Variants in KCNK2 observed in about 807,000 individuals in gnomAD.
The protein encoded by KCNK2 is potassium channel subfamily K member 2.
A neutral mutation model predicts 40.5 loss-of-function variants in KCNK2; 21 were observed. That is an observed-to-expected ratio of 0.52 (90% CI 0.37 to 0.75). The LOEUF (loss-of-function observed/expected upper bound fraction) is 0.75. Ranked by LOEUF, KCNK2 falls within the 30% of genes least tolerant of loss-of-function variation. The pLI is 0.00. For synonymous variants in KCNK2, 191 were observed against 202.2 expected (o/e 0.94, Z 0.47); for missense variants, 399 against 531.6 (o/e 0.75, Z 2.45).
intron 6 of KCNK2, among the ~76,000 whole-genome samples, chr1:215,206,081 G>A (rs893135265): frequency 6.6e-6 from 1 of 152,092 alleles, no homozygotes; most frequent in African/African-American, 2.4e-5. Flanking sequence ...AACCCTTCAT[G>A]GGCTGTAAAT....
chr1:215,223,593 G>A (rs1039157114), intron 6 of KCNK2, among the ~76,000 whole-genome samples: 2 of 152,118 alleles, frequency 1.3e-5, no homozygotes, highest in African/African-American at 2.4e-5. Flanking sequence ...AATGCATGGT[G>A]GAAGGGGCTT....
At chr1:215,048,293 T>C (rs988447345) in intron 1 of KCNK2, among the ~76,000 whole-genome samples, 11 of 152,172 alleles carry the variant, frequency 7.2e-5, no homozygotes, top group African/African-American at 2.7e-4. Context: ...ACCATAGAAT[T>C]GAAGAAGAAA....
chr1:215,190,981 T>C (rs545725569), intron 5 of KCNK2, among the ~76,000 whole-genome samples: 40 of 152,120 alleles, frequency 2.6e-4, no homozygotes, highest in African/African-American at 6.5e-4. Context: ...TTCTTTCTTT[T>C]TTTTTTTTTA....
chr1:215,123,854 T>G (rs529090735), intron 2 of KCNK2, among the ~76,000 whole-genome samples: 151 of 152,300 alleles, frequency 9.9e-4, no homozygotes, highest in African/African-American at 3.5e-3. Context: ...TCTTTTGTGC[T>G]TCTCCTTCTC....
intron 1 of KCNK2, among the ~76,000 whole-genome samples, chr1:215,050,598 A>G (rs1315416320): frequency 2.0e-5 from 3 of 152,220 alleles, no homozygotes; most frequent in African/African-American, 4.8e-5. Context: ...GATGTACCAG[A>G]TAGTGATTCA....
intron 3 of KCNK2, among the ~76,000 whole-genome samples, chr1:215,145,500 T>C (rs1302627695): frequency 1.3e-5 from 2 of 152,168 alleles, no homozygotes; most frequent in Admixed American, 1.3e-4. Context: ...AAAGATAGCA[T>C]GGATTTCTTG....
intron 1 of KCNK2, among the ~76,000 whole-genome samples, chr1:215,058,041 A>C (rs1658229766): frequency 6.6e-6 from 1 of 152,150 alleles, no homozygotes; most frequent in African/African-American, 2.4e-5. Flanking sequence ...CAGCCCCAGG[A>C]ATAGGGAGTG....
intron 1 of KCNK2, among the ~76,000 whole-genome samples, chr1:215,064,124 TAGAA>T (rs760441532): frequency 6.6e-6 from 1 of 152,108 alleles, no homozygotes; most frequent in African/African-American, 2.4e-5. Context: ...TTGATCGTAA[TAGAA>T]GGAAGCTATG....
At chr1:215,218,675 G>A (rs971510865) in intron 6 of KCNK2, among the ~76,000 whole-genome samples, 1 of 152,044 alleles carries the variant, frequency 6.6e-6, no homozygotes, top group African/African-American at 2.4e-5. Context: ...GGTCCACCAC[G>A]GTAGCATCCC....
chr1:215,133,713 T>C (rs776672560), intron 3 of KCNK2, among the ~76,000 whole-genome samples: 1 of 152,096 alleles, frequency 6.6e-6, no homozygotes, highest in African/African-American at 2.4e-5. Flanking sequence ...TATTGCATGA[T>C]GTTTACAAAA....
chr1:215,026,474 A>T (rs1042114175), intron 1 of KCNK2, among the ~76,000 whole-genome samples: 1 of 151,990 alleles, frequency 6.6e-6, no homozygotes, highest in Non-Finnish European at 1.5e-5. Context: ...TTTAGAATGA[A>T]TAGCGGCTTG....
At chr1:215,051,705 T>C (rs896089818) in intron 1 of KCNK2, among the ~76,000 whole-genome samples, 15 of 152,126 alleles carry the variant, frequency 9.9e-5, no homozygotes, top group African/African-American at 3.6e-4. Flanking sequence ...AATGGGAATG[T>C]AGCATGTTTG....
intron 1 of KCNK2, among the ~76,000 whole-genome samples, chr1:215,014,212 G>C (rs1213532216): frequency 2.6e-5 from 4 of 152,006 alleles, no homozygotes; most frequent in Non-Finnish European, 5.9e-5. Context: ...GAATGATATT[G>C]ATTGAATTTT....
At chr1:215,194,814 AAAT>A in intron 5 of KCNK2, 136 bp from the exon 6 acceptor site, 1 of 573,844 alleles carries the variant, frequency 1.7e-6, no homozygotes, top group African/African-American at 1.9e-5. Flanking sequence ...AAAATGAAGA[AAAT>A]AATGTAACTC....
At chr1:215,167,187 C>A (rs982469428) in intron 3 of KCNK2, among the ~76,000 whole-genome samples, 1 of 152,044 alleles carries the variant, frequency 6.6e-6, no homozygotes, top group African/African-American at 2.4e-5. Flanking sequence ...CATTCATTTT[C>A]TTTTCAAATA....
rs1195019836 is a variant in KCNK2, at chr1:215,096,849, C to G, written c.357+10171C>G. 5.3e-5 allele frequency among the ~76,000 whole-genome samples: 8 copies of G among 152,072 alleles called. No homozygotes were observed. The South Asian group carries it at 1.7e-3, about 32-fold the overall frequency. ...ACCTCTGATTCCACGATGTTCGGAA[C>G]TGCATTAAGTGGAGCCTATCACAGT... On this transcript the variant is annotated intron_variant, in intron 2 of 6. Transcript: ENST00000444842.
At chr1:215,134,253 G>A (rs1237941784) in intron 3 of KCNK2, among the ~76,000 whole-genome samples, 1 of 152,122 alleles carries the variant, frequency 6.6e-6, no homozygotes, top group Admixed American at 6.6e-5. Context: ...TGTCTACCTG[G>A]AATTAGCATC....
chr1:215,035,526 G>C (rs1235668969), intron 1 of KCNK2, among the ~76,000 whole-genome samples: 1 of 151,822 alleles, frequency 6.6e-6, no homozygotes, highest in Non-Finnish European at 1.5e-5. Context: ...GTAGTCTTTT[G>C]GTCTGCCTTC....
At chr1:215,099,540 T>A (rs959163432) in intron 2 of KCNK2, among the ~76,000 whole-genome samples, 3 of 151,954 alleles carry the variant, frequency 2.0e-5, no homozygotes, top group Non-Finnish European at 2.9e-5. Context: ...ACTTAAGGAA[T>A]GAAAGTTACC....
Sources: allele counts gnomAD v4.1 joint callset (sites outside exome capture counted in the v4.1 genomes callset), GRCh38; gene constraint gnomAD v4.1.1; transcripts MANE v1.5; gene names NCBI Gene and HGNC (gene_info 2026-07-23, HGNC 2026-07-21).